Variants in EDA2R observed in about 807,000 individuals in gnomAD.
EDA2R encodes ectodysplasin A2 receptor.
Under a neutral mutation model 20.1 loss-of-function variants are expected in EDA2R, and 26 were observed. The observed-to-expected ratio is 1.30, with a 90% CI of 0.95 to 1.80. The LOEUF (loss-of-function observed/expected upper bound fraction) is 1.80, where lower values mean the gene tolerates loss of function less well. Ranked by LOEUF, EDA2R falls within the 40% of genes most tolerant of loss-of-function variation. The pLI is 0.00. For synonymous variants in EDA2R, 114 were observed against 88.7 expected (o/e 1.29, Z -1.60); for missense variants, 277 against 228.7 (o/e 1.21, Z -1.36).
At chrX:66,637,707 T>A (rs971588623) in intron 1 of EDA2R, among the ~76,000 whole-genome samples, 4 of 112,588 alleles carry the variant, frequency 3.6e-5, no homozygotes, top group Non-Finnish European at 7.5e-5. Context: ...CAGTCTATCT[T>A]AAATAATAAT....
At chrX:66,602,935 T>G (rs966063847) in intron 4 of EDA2R, 138 bp from the exon 5 acceptor site, 1 of 546,999 alleles carries the variant, frequency 1.8e-6, no homozygotes, top group African/African-American at 2.4e-5. Flanking sequence ...TGGTTTTACT[T>G]CTTTCTAGAG....
intron 6 of EDA2R, among the ~76,000 whole-genome samples, chrX:66,599,060 G>T (rs1400182436): frequency 8.9e-6 from 1 of 112,116 alleles, no homozygotes; most frequent in Admixed American, 9.5e-5. Flanking sequence ...TACACACAAG[G>T]TTTGTATAGT....
At chrX:66,636,939 A>AACAC (rs35284589) in intron 1 of EDA2R, among the ~76,000 whole-genome samples, 2,370 of 99,765 alleles carry the variant, frequency 0.024, 40 homozygotes, top group Middle Eastern at 0.041. Flanking sequence ...CTGTGTGTAA[A>AACAC]ACACACACAC....
chrX:66,607,976 A>C (rs1385671007), intron 2 of EDA2R, among the ~76,000 whole-genome samples: 1 of 112,331 alleles, frequency 8.9e-6, no homozygotes, highest in Non-Finnish European at 1.9e-5. Context: ...AAGAACTAAA[A>C]GAAATCAGGA....
rs769441083 is a variant in EDA2R, at chrX:66,604,444, T to G, written c.329A>C (p.Gln110Pro). The G allele has an allele frequency of 2.5e-6, 3 of 1,209,578 alleles. No individual in the cohort carries two copies. The highest frequency in any genetic ancestry group is 3.4e-6 in the Non-Finnish European group (3 of 894,263). The change falls in exon 4 of 7, where the codon CAG (glutamine) becomes CCG (proline). Residue 110 changes from glutamine to proline, a missense_variant. Gln to Pro is a moderately conservative substitution (Grantham distance 76, BLOSUM62 -1). Transcript: ENST00000374719. ...QDQECIPCTK[Q>P]TPTSEVQCAF... ...ACATTGAACCTCAGAGGTGGGGGTC[T>G]GCTTCGTGCACGGGATGCACTCTTG...
intron 1 of EDA2R, among the ~76,000 whole-genome samples, chrX:66,625,203 G>T (rs1413670866): frequency 9.0e-6 from 1 of 111,664 alleles, no homozygotes; most frequent in Non-Finnish European, 1.9e-5. Flanking sequence ...CTGGTGTGGA[G>T]ACTCTAAAGG....
intron 1 of EDA2R, among the ~76,000 whole-genome samples, chrX:66,616,813 G>A: frequency 8.9e-6 from 1 of 112,115 alleles, no homozygotes; most frequent in Non-Finnish European, 1.9e-5. Context: ...CTACAATCTG[G>A]GATGGATCAC....
At chrX:66,609,522 G>A (rs1046683611) in intron 2 of EDA2R, among the ~76,000 whole-genome samples, 1 of 111,766 alleles carries the variant, frequency 8.9e-6, no homozygotes, top group Non-Finnish European at 1.9e-5. Context: ...GTGCACCACT[G>A]GAATGGTGAT....
intron 2 of EDA2R, among the ~76,000 whole-genome samples, chrX:66,606,228 C>A (rs1159545067): frequency 1.8e-5 from 2 of 112,123 alleles, no homozygotes. Flanking sequence ...CAGAAGCTGG[C>A]TGGTTGTTCA....
At chrX:66,617,119 TAAAAG>T (rs1195345716) in intron 1 of EDA2R, among the ~76,000 whole-genome samples, 6 of 112,104 alleles carry the variant, frequency 5.4e-5, no homozygotes, top group African/African-American at 1.9e-4. Flanking sequence ...AAGTGGTTTC[TAAAAG>T]TGCCAAAGTC....
chrX:66,637,484 A>C (rs1934449553), intron 1 of EDA2R, among the ~76,000 whole-genome samples: 1 of 112,032 alleles, frequency 8.9e-6, no homozygotes, highest in Non-Finnish European at 1.9e-5. Flanking sequence ...AAATCAAATC[A>C]AAACTCTAGC....
intron 1 of EDA2R, among the ~76,000 whole-genome samples, chrX:66,620,580 G>A (rs1164278108): frequency 4.5e-5 from 5 of 111,005 alleles, no homozygotes; most frequent in Non-Finnish European, 9.4e-5. Context: ...TTGTGACACT[G>A]GATTAGGAAG....
chrX:66,598,158 A>G, intron 6 of EDA2R, 65 bp from the exon 7 acceptor site: 1 of 436,489 alleles, frequency 2.3e-6, no homozygotes. Context: ...TTCTTTCTCT[A>G]CCCCTCCAAA....
intron 1 of EDA2R, among the ~76,000 whole-genome samples, chrX:66,622,217 T>A (rs1932734839): frequency 9.0e-6 from 1 of 111,676 alleles, no homozygotes; most frequent in African/African-American, 3.3e-5. Flanking sequence ...CAAAAAATAA[T>A]GTAGACGATT....
At chrX:66,610,321 A>G (rs1018722927) in intron 2 of EDA2R, among the ~76,000 whole-genome samples, 1 of 110,351 alleles carries the variant, frequency 9.1e-6, no homozygotes, top group Non-Finnish European at 1.9e-5. Flanking sequence ...ACACAGATAC[A>G]TATATAGCTC....
At chrX:66,634,802 C>A (rs1229998018) in intron 1 of EDA2R, among the ~76,000 whole-genome samples, 1 of 111,652 alleles carries the variant, frequency 9.0e-6, no homozygotes, top group Non-Finnish European at 1.9e-5. Context: ...AGTGACTATA[C>A]TACCAAGGCT....
chrX:66,631,620 T>A (rs1330724021), intron 1 of EDA2R, among the ~76,000 whole-genome samples: 1 of 111,546 alleles, frequency 9.0e-6, no homozygotes, highest in African/African-American at 3.3e-5. Flanking sequence ...TTTTAAATAA[T>A]GGTTTGATAG....
chrX:66,611,721 T>C (rs1226704756), intron 2 of EDA2R, among the ~76,000 whole-genome samples: 1 of 111,116 alleles, frequency 9.0e-6, no homozygotes, highest in Admixed American at 9.6e-5. Context: ...AAAATCATAT[T>C]GTCAGAATCT....
At chrX:66,620,591 T>C (rs1159490286) in intron 1 of EDA2R, among the ~76,000 whole-genome samples, 2 of 111,288 alleles carry the variant, frequency 1.8e-5, no homozygotes, top group Non-Finnish European at 3.8e-5. Flanking sequence ...GATTAGGAAG[T>C]AGTTGCTTAG....
Sources: gnomAD v4.1 joint callset for allele counts (sites outside exome capture counted in the v4.1 genomes callset) on GRCh38, gnomAD v4.1.1 for gene constraint, MANE v1.5 for transcripts, NCBI Gene and HGNC (gene_info 2026-07-23, HGNC 2026-07-21) for gene names.